Variants in MYBL1 observed in about 807,000 individuals in gnomAD.
The protein encoded by MYBL1 is MYB proto-oncogene like 1.
MYBL1 carries 17 observed loss-of-function variants against 96.3 expected under a neutral mutation model. That is an observed-to-expected ratio of 0.18 (90% confidence interval 0.12 to 0.26). MYBL1 has a LOEUF of 0.26. MYBL1 is among the 10% of genes least tolerant of loss of function. MYBL1 has a pLI of 1.00. For synonymous variants in MYBL1, 282 were observed against 292.7 expected, an observed-to-expected ratio of 0.96 and a Z score of 0.37; for missense variants, 701 against 882.9, an observed-to-expected ratio of 0.79 and a Z score of 2.61.
rs751620268 is a variant in MYBL1 at position 66,595,775 on chromosome 8, T to G, written c.513-18A>C. On this transcript the variant is annotated intron_variant, in intron 5 of 15. Transcript: ENST00000522677. ...TATCAGTCCTAAGAAAGGAAAGGTA[T>G]GATTTAAAAAGAAAAAAGGATTCCA... The G allele has an allele frequency of 2.7e-6, 4 of 1,455,382 alleles. No homozygotes were observed. Among genetic ancestry groups the G allele is most frequent in the Admixed American group, 2.6e-5 (1 of 37,806 alleles). 90.2% of individuals were successfully genotyped at this position (1,455,382 alleles called of 1,614,324 possible).
intron 12 of MYBL1, 150 bp from the exon 13 acceptor site, chr8:66,567,142 G>GAAA: frequency 1.7e-6 from 1 of 576,992 alleles, no homozygotes; most frequent in African/African-American, 1.9e-5. Context: ...AATTCATGTT[G>GAAA]TGGCAAAACA....
At chr8:66,601,550 A>C (rs1398890725) in intron 3 of MYBL1, 148 bp downstream of exon 3, 2 of 522,236 alleles carry the variant, frequency 3.8e-6, no homozygotes, top group Middle Eastern at 8.1e-4. Context: ...GCCATTAGCA[A>C]CCAACTAGAG....
At chr8:66,572,433 G>T in intron 12 of MYBL1, 49 bp downstream of exon 12, 1 of 884,942 alleles carries the variant, frequency 1.1e-6, no homozygotes, top group Non-Finnish European at 1.7e-6. Flanking sequence ...CATAATTTGT[G>T]TTTTATTAAA....
intron 12 of MYBL1, among the ~76,000 whole-genome samples, chr8:66,568,884 G>A (rs1289301999): frequency 6.6e-6 from 1 of 151,832 alleles, no homozygotes; most frequent in Non-Finnish European, 1.5e-5. Flanking sequence ...AATTAGCCAG[G>A]GTGGTGGTGG....
chr8:66,582,264 A>G (rs2129845390), intron 8 of MYBL1, among the ~76,000 whole-genome samples: 1 of 152,276 alleles, frequency 6.6e-6, no homozygotes, highest in East Asian at 1.9e-4. Flanking sequence ...TTAAAAACAC[A>G]TGACCCAACT....
chr8:66,576,468 A>G, intron 9 of MYBL1, 93 bp from the exon 10 acceptor site: 2 of 1,388,070 alleles, frequency 1.4e-6, no homozygotes, highest in Non-Finnish European at 1.9e-6. Flanking sequence ...GAGTTAATTA[A>G]CAACTCATTT....
In MYBL1 at chr8:66,566,246, AAG is replaced by A. The variant is rs1337072551; in HGVS notation, c.1951-5_1951-4del. On this transcript the variant is annotated splice_region_variant and splice_polypyrimidine_tract_variant and intron_variant, in intron 14 of 15. Transcript: ENST00000522677. ...GATGTAGTAAATCTATTTTCTGACT[AAG>A]AGAGAAAAAAGAAAGAGGAAAATAA... 6.9e-7 allele frequency: 1 copy of A among 1,439,930 alleles called. No homozygotes were observed. Among genetic ancestry groups the A allele is most frequent in the African/African-American group, 1.4e-5 (1 of 68,984 alleles). 89.2% of individuals were successfully genotyped at this position (1,439,930 alleles called of 1,614,324 possible).
chr8:66,599,776 G>C (rs1264944686), intron 3 of MYBL1, among the ~76,000 whole-genome samples: 1 of 151,832 alleles, frequency 6.6e-6, no homozygotes, highest in African/African-American at 2.4e-5. Flanking sequence ...TTCCAACCTA[G>C]GCAACAAGAG....
chr8:66,608,021 A>G (rs1373420006), intron 1 of MYBL1, among the ~76,000 whole-genome samples: 4 of 152,164 alleles, frequency 2.6e-5, no homozygotes, highest in African/African-American at 7.2e-5. Context: ...GCCCATATAA[A>G]TCTTGAGTAT....
intron 9 of MYBL1, among the ~76,000 whole-genome samples, chr8:66,579,022 T>C (rs1458045062): frequency 2.0e-5 from 3 of 152,006 alleles, no homozygotes; most frequent in East Asian, 3.9e-4. Flanking sequence ...TAAATGGGAA[T>C]TGAACAATGA....
At position 66,564,806 on chromosome 8, in the gene MYBL1, GT is replaced by G; in HGVS notation, c.2149del (p.Thr717GlnfsTer13). On this transcript the variant is annotated frameshift_variant, in exon 16 of 16. Coordinates refer to ENST00000522677, the MANE Select transcript of MYBL1 (RefSeq NM_001080416.4). LOFTEE classifies it high-confidence loss of function. ...GTCTTCTGTCTTCCCATAAACCACT[GT>G]TTCCCATTCACAATTTGACTAGAAA... ...KNLQSNCEWE[T>X]VVYGKTEDQL... 1 of 1,568,528 alleles carries G rather than the reference GT, an allele frequency of 6.4e-7. No individual in the cohort carries two copies. Among genetic ancestry groups the G allele is most frequent in the Non-Finnish European group, 8.7e-7 (1 of 1,152,906 alleles).
chr8:66,590,061 A>C (rs1809576989), intron 8 of MYBL1, among the ~76,000 whole-genome samples: 1 of 152,094 alleles, frequency 6.6e-6, no homozygotes, highest in Non-Finnish European at 1.5e-5. Flanking sequence ...GCAACAGACC[A>C]AGACCCTGAC....
chr8:66,574,774 G>A (rs1280814720), intron 10 of MYBL1, among the ~76,000 whole-genome samples: 4 of 152,274 alleles, frequency 2.6e-5, no homozygotes, highest in African/African-American at 4.8e-5. Flanking sequence ...TTGTTTGGAG[G>A]CTGGGAGCAG....
intron 10 of MYBL1, among the ~76,000 whole-genome samples, chr8:66,573,975 C>T (rs1286907144): frequency 6.8e-6 from 1 of 147,248 alleles, no homozygotes; most frequent in African/African-American, 2.7e-5. Context: ...TAATGCTTTG[C>T]TGATAAGAAA....
In MYBL1 at chr8:66,580,373, G is replaced by A. The variant is rs761797705; in HGVS notation, c.868-7C>T. The A allele has an allele frequency of 1.3e-6, 2 of 1,557,264 alleles. No homozygotes were observed. The highest frequency in any genetic ancestry group is 1.8e-6 in the Non-Finnish European group (2 of 1,135,426). On this transcript the variant is annotated splice_region_variant and splice_polypyrimidine_tract_variant and intron_variant, in intron 8 of 15. Transcript: ENST00000522677. ...TAGAAAAACTTCCAGGCTGCTAAAGGTACAAAAGAAATTTGAATATTATTT... is the reference window on the plus strand; with the variant it reads ...TAGAAAAACTTCCAGGCTGCTAAAGATACAAAAGAAATTTGAATATTATTT...
intron 9 of MYBL1, among the ~76,000 whole-genome samples, chr8:66,577,829 T>C (rs1485653389): frequency 6.6e-6 from 1 of 152,154 alleles, no homozygotes. Flanking sequence ...TTTCAAACTA[T>C]ACTACAAGGC....
At chr8:66,599,200 C>T (rs1809969932) in intron 3 of MYBL1, 58 bp from the exon 4 acceptor site, 11 of 1,220,796 alleles carry the variant, frequency 9.0e-6, no homozygotes, top group East Asian at 5.3e-5. Context: ...AGCAAGTCAG[C>T]CCGAATTTAT....
chr8:66,586,559 G>A (rs910548426), intron 8 of MYBL1, among the ~76,000 whole-genome samples: 1 of 152,128 alleles, frequency 6.6e-6, no homozygotes, highest in Non-Finnish European at 1.5e-5. Context: ...TGTGGAGAAA[G>A]GGGAACTCTA....
chr8:66,609,214 T>A (rs760303253), intron 1 of MYBL1, among the ~76,000 whole-genome samples: 1 of 152,062 alleles, frequency 6.6e-6, no homozygotes, highest in Non-Finnish European at 1.5e-5. Flanking sequence ...GATGTTAAGA[T>A]AAAACATTTA....
Sources: gnomAD v4.1 joint callset for allele counts (sites outside exome capture counted in the v4.1 genomes callset) on GRCh38, gnomAD v4.1.1 for gene constraint, MANE v1.5 for transcripts, NCBI Gene and HGNC (gene_info 2026-07-23, HGNC 2026-07-21) for gene names.